The following SEM1 variants were observed in gnomAD, a reference collection of about 807,000 sequenced individuals.
The protein encoded by SEM1 is SEM1 26S proteasome subunit.
Under a neutral mutation model 12.7 loss-of-function variants are expected in SEM1, and 3 were observed. The observed-to-expected ratio is 0.24, with a 90% CI of 0.11 to 0.61. SEM1 has a LOEUF of 0.61. Among genes scored for constraint, SEM1 ranks in the 20% least tolerant of loss-of-function variants. The pLI is 0.88. For synonymous variants in SEM1, 30 were observed against 27.8 expected (o/e 1.08, Z -0.25); for missense variants, 59 against 81.3 (o/e 0.73, Z 1.06).
chr7:96,504,383 T>C (rs1276726463), intron 3 of SEM1, among the ~76,000 whole-genome samples: 2 of 152,066 alleles, frequency 1.3e-5, no homozygotes, highest in Non-Finnish European at 2.9e-5. Flanking sequence ...CCAGTTAGGT[T>C]TTTTCAAAAA....
intron 2 of SEM1, among the ~76,000 whole-genome samples, chr7:96,602,036 G>T (rs1456831429): frequency 6.6e-6 from 1 of 152,152 alleles, no homozygotes; most frequent in Non-Finnish European, 1.5e-5. Context: ...AGAAACTTTT[G>T]CAGGAAAGAT....
In SEM1 at chr7:96,709,613, G is replaced by T; in HGVS notation, c.76+75C>A. ...CCCGCCGGTGCCCCCAGCTGGGCCC[G>T]AGCACCCAAGCTACCTCCACACGGA... On this transcript the variant is annotated intron_variant, in intron 1 of 2. Coordinates refer to ENST00000248566, the MANE Select transcript of SEM1 (RefSeq NM_006304.2). 2.8e-6 allele frequency: 4 copies of T among 1,427,702 alleles called. No homozygotes were observed. In the African/African-American group the frequency reaches 4.3e-5, roughly 15 times the overall value. 88.4% of individuals were successfully genotyped at this position (1,427,702 alleles called of 1,614,324 possible). A position where few individuals can be genotyped will look rare whatever the true frequency, so the allele number is the denominator to read the frequency against.
chr7:96,489,054 GAA>G (rs2117212724), intron 1 of SEM1, among the ~76,000 whole-genome samples: 1 of 152,212 alleles, frequency 6.6e-6, no homozygotes, highest in East Asian at 1.9e-4. Flanking sequence ...CTGCACATTT[GAA>G]AACAGTATGT....
At chr7:96,521,741 A>G (rs576843752) in intron 2 of SEM1, among the ~76,000 whole-genome samples, 3 of 152,132 alleles carry the variant, frequency 2.0e-5, no homozygotes, top group Non-Finnish European at 4.4e-5. Flanking sequence ...TTTGGCTCCA[A>G]ATATCCAAAT....
chr7:96,522,640 G>T (rs1804314286), intron 2 of SEM1, among the ~76,000 whole-genome samples: 1 of 151,582 alleles, frequency 6.6e-6, no homozygotes, highest in South Asian at 2.1e-4. Flanking sequence ...CACTTTGGGA[G>T]GCCAAGGCAG....
At chr7:96,709,231 A>G (rs1461400538) in intron 1 of SEM1, among the ~76,000 whole-genome samples, 4 of 152,146 alleles carry the variant, frequency 2.6e-5, no homozygotes, top group Admixed American at 1.3e-4. Flanking sequence ...CTCCTATCCT[A>G]CTTAATGAGG....
rs540544087 is a variant in SEM1, at chr7:96,627,162, G to A, written c.171-4519C>T. 1.7e-4 allele frequency among the ~76,000 whole-genome samples: 26 copies of A among 151,960 alleles called. No homozygotes were observed. In the South Asian group the frequency reaches 3.7e-3, roughly 22 times the overall value. On this transcript the variant is annotated intron_variant, in intron 2 of 2. Transcript: ENST00000417009. ...TGTTTGGATCTTCTCTTTTTTCTCA[G>A]TTATTTTGGCAGAAGTTTTGTCACT...
chr7:96,589,453 G>A lies in SEM1; in HGVS notation c.171-82755C>T, dbSNP rs906035035. Among the ~76,000 whole-genome samples, 5 of 152,042 alleles carry A rather than the reference G, an allele frequency of 3.3e-5. No homozygotes were observed. In the South Asian group the frequency reaches 6.2e-4, roughly 19 times the overall value. ...GTAACTACCTTTTAGGGATACCCCCGAGGCTGAAGTGAGACCACAGGATGA... is the reference window on the plus strand; with the variant it reads ...GTAACTACCTTTTAGGGATACCCCCAAGGCTGAAGTGAGACCACAGGATGA... On this transcript the variant is annotated intron_variant and NMD_transcript_variant, in intron 2 of 3. Transcript: ENST00000466986.
At chr7:96,706,257 T>A (rs534682713) in intron 1 of SEM1, 2 of 152,218 alleles carry the variant, frequency 1.3e-5, no homozygotes, top group South Asian at 2.1e-4. Flanking sequence ...GCACTTTACA[T>A]TGAAGGGCTA....
rs529883620 is a variant in SEM1, at chr7:96,603,421, A to T, written c.170+91377T>A. On this transcript the variant is annotated intron_variant and NMD_transcript_variant, in intron 2 of 3. Coordinates refer to the SEM1 transcript ENST00000466986. ...GAGTGGCAGTGAGCTATGGAGGAAGATGTGGCTGTCAGTCAGGACCTCCCT... is the reference window on the plus strand; with the variant it reads ...GAGTGGCAGTGAGCTATGGAGGAAGTTGTGGCTGTCAGTCAGGACCTCCCT... Among the ~76,000 whole-genome samples, 6 of 152,166 alleles carry T rather than the reference A, an allele frequency of 3.9e-5. No individual in the cohort carries two copies. In the East Asian group the frequency reaches 1.2e-3, roughly 29 times the overall value.
intron 2 of SEM1, chr7:96,645,656 A>G (rs112695769): frequency 4.8e-5 from 19 of 397,048 alleles, no homozygotes; most frequent in African/African-American, 1.2e-4. Context: ...TTTATATACC[A>G]TACACAGTAG....
chr7:96,696,167 T>G (rs773661741), intron 1 of SEM1: 2 of 151,876 alleles, frequency 1.3e-5, no homozygotes, highest in Non-Finnish European at 2.9e-5. Flanking sequence ...CTCCCTCGTC[T>G]AATAACCATC....
intron 2 of SEM1, among the ~76,000 whole-genome samples, chr7:96,511,663 A>G (rs1803938322): frequency 6.6e-6 from 1 of 152,190 alleles, no homozygotes. Flanking sequence ...GAGTAATTAC[A>G]ACCAGAGGAT....
intron 1 of SEM1, among the ~76,000 whole-genome samples, chr7:96,703,301 A>G (rs1421998462): frequency 6.6e-6 from 1 of 152,150 alleles, no homozygotes; most frequent in East Asian, 1.9e-4. Flanking sequence ...TAATTTCCTG[A>G]TTTTGATGGT....
At chr7:96,556,257 C>T (rs1202193944) in intron 2 of SEM1, among the ~76,000 whole-genome samples, 6 of 151,024 alleles carry the variant, frequency 4.0e-5, no homozygotes, top group East Asian at 2.0e-4. Flanking sequence ...TTATTTTGCT[C>T]GTTAGTTGAT....
At chr7:96,488,836 G>T (rs570949519) in intron 1 of SEM1, among the ~76,000 whole-genome samples, 188 of 152,136 alleles carry the variant, frequency 1.2e-3, no homozygotes, top group Middle Eastern at 0.01. Flanking sequence ...GGCCTGTTTT[G>T]TTCTTTGGGC....
chr7:96,525,388 G>A (rs545052481), intron 2 of SEM1, among the ~76,000 whole-genome samples: 4 of 152,004 alleles, frequency 2.6e-5, no homozygotes, highest in East Asian at 1.9e-4. Context: ...AGGCATTTGC[G>A]AGTGCACGTG....
chr7:96,540,702 C>T (rs1373091525), intron 2 of SEM1, among the ~76,000 whole-genome samples: 5 of 151,750 alleles, frequency 3.3e-5, no homozygotes, highest in East Asian at 1.9e-4. Flanking sequence ...GTTTGAGGTA[C>T]GGATGATCCT....
intron 1 of SEM1, among the ~76,000 whole-genome samples, chr7:96,494,761 A>C (rs1803173440): frequency 6.6e-6 from 1 of 151,532 alleles, no homozygotes; most frequent in African/African-American, 2.4e-5. Flanking sequence ...AGGGTGGGAA[A>C]ATAGCATTGG....
Sources: gnomAD v4.1 joint callset for allele counts (sites outside exome capture counted in the v4.1 genomes callset) on GRCh38, gnomAD v4.1.1 for gene constraint, MANE v1.5 for transcripts, NCBI Gene and HGNC (gene_info 2026-07-23, HGNC 2026-07-21) for gene names.